CNTN3: variants seen among roughly 807,000 people sequenced by gnomAD.
CNTN3 encodes the protein contactin-3.
CNTN3 carries 60 observed loss-of-function variants against 119.1 expected under a neutral mutation model. That is an observed-to-expected ratio of 0.50 (90% CI 0.41 to 0.62). CNTN3 has a LOEUF of 0.62. Ranked by LOEUF, CNTN3 falls within the 20% of genes least tolerant of loss-of-function variation. The probability of loss-of-function intolerance (pLI) is 0.00; values close to 1 mark genes in which losing one functional copy is unlikely to be tolerated. For synonymous variants in CNTN3, 450 were observed against 438.7 expected (o/e 1.03, Z -0.32); for missense variants, 1,101 against 1,242.4 (o/e 0.89, Z 1.71).
chr3:74,279,851 T>C (rs918736079), intron 20 of CNTN3, among the ~76,000 whole-genome samples: 1 of 151,918 alleles, frequency 6.6e-6, no homozygotes, highest in African/African-American at 2.4e-5. Flanking sequence ...AGAAGGATGA[T>C]TACTAGGGGC....
intron 1 of CNTN3, among the ~76,000 whole-genome samples, chr3:74,567,180 T>C (rs1003107614): frequency 5.9e-5 from 9 of 152,128 alleles, no homozygotes; most frequent in Admixed American, 3.9e-4. Context: ...TTTTACTCTG[T>C]TGTCCAGGCT....
In CNTN3 at chr3:74,357,899, T is replaced by G. The variant is rs893583511; in HGVS notation, c.1364+3991A>C. Among the ~76,000 whole-genome samples the G allele has an allele frequency of 5.3e-5, 8 of 152,224 alleles. No individual in the cohort carries two copies. The East Asian group carries it at 1.5e-3, about 29-fold the overall frequency. On this transcript the variant is annotated intron_variant, in intron 11 of 22. Transcript: ENST00000263665. ...CTTCAAATAAGATTGAATCTGCATTTTTAAAGTTGTAACAATCCATGATCT... is the reference window on the plus strand; with the variant it reads ...CTTCAAATAAGATTGAATCTGCATTGTTAAAGTTGTAACAATCCATGATCT...
chr3:74,388,123 G>C (rs1038979883), intron 5 of CNTN3, among the ~76,000 whole-genome samples: 1 of 152,134 alleles, frequency 6.6e-6, no homozygotes, highest in Non-Finnish European at 1.5e-5. Context: ...ACACTGCCAG[G>C]AGAGTGTCTG....
intron 1 of CNTN3, among the ~76,000 whole-genome samples, chr3:74,581,140 T>A (rs1704498323): frequency 6.6e-6 from 1 of 152,082 alleles, no homozygotes; most frequent in South Asian, 2.1e-4. Context: ...CAAGGAGTAG[T>A]AAGTCAAACT....
intron 4 of CNTN3, among the ~76,000 whole-genome samples, chr3:74,470,325 T>C (rs1253665352): frequency 6.6e-6 from 1 of 151,934 alleles, no homozygotes; most frequent in African/African-American, 2.4e-5. Context: ...AACAGGGAAT[T>C]ACACGGTATG....
At chr3:74,557,171 C>G (rs1344517385) in intron 1 of CNTN3, among the ~76,000 whole-genome samples, 1 of 152,076 alleles carries the variant, frequency 6.6e-6, no homozygotes, top group South Asian at 2.1e-4. Context: ...TTTCTTTTGT[C>G]ACTTGGGGTT....
At chr3:74,416,826 A>G (rs1213704200) in intron 5 of CNTN3, among the ~76,000 whole-genome samples, 1 of 151,944 alleles carries the variant, frequency 6.6e-6, no homozygotes, top group Non-Finnish European at 1.5e-5. Flanking sequence ...CATCTCTTTT[A>G]AAAACACAAA....
chr3:74,451,358 G>A (rs1003692394), intron 4 of CNTN3, among the ~76,000 whole-genome samples: 6 of 152,094 alleles, frequency 3.9e-5, no homozygotes, highest in African/African-American at 1.4e-4. Flanking sequence ...TTTTGATGGG[G>A]TTGTTTGTTT....
At chr3:74,513,887 T>C (rs1391038190) in intron 2 of CNTN3, among the ~76,000 whole-genome samples, 1 of 151,852 alleles carries the variant, frequency 6.6e-6, no homozygotes, top group East Asian at 1.9e-4. Context: ...AAGACTTGCT[T>C]ACTTCCTTAG....
At chr3:74,338,409 T>C (rs780318660) in intron 11 of CNTN3, among the ~76,000 whole-genome samples, 2 of 152,068 alleles carry the variant, frequency 1.3e-5, no homozygotes, top group African/African-American at 2.4e-5. Context: ...TATATATACA[T>C]ATGTGTATAC....
intron 13 of CNTN3, among the ~76,000 whole-genome samples, chr3:74,317,321 C>G (rs1200297385): frequency 6.6e-6 from 1 of 151,604 alleles, no homozygotes; most frequent in East Asian, 2.0e-4. Context: ...TTAATTGGAG[C>G]ATTTAGCCCA....
At position 74,548,993 on chromosome 3, in the gene CNTN3, C is replaced by T. The variant is rs1301235614; in HGVS notation, c.-80-27801G>A. On this transcript the variant is annotated intron_variant, in intron 1 of 22. Transcript: ENST00000263665. ...CAACCTAGGTAACATGGACATTCTACAGAATATCACATTGGTCCATTATAT... is the reference window on the plus strand; with the variant it reads ...CAACCTAGGTAACATGGACATTCTATAGAATATCACATTGGTCCATTATAT... 2.0e-5 allele frequency among the ~76,000 whole-genome samples: 3 copies of T among 152,138 alleles called. No homozygotes were observed. The East Asian group carries it at 5.8e-4, about 29-fold the overall frequency.
chr3:74,515,578 A>G (rs1703436644), intron 2 of CNTN3, among the ~76,000 whole-genome samples: 1 of 152,076 alleles, frequency 6.6e-6, no homozygotes, highest in Non-Finnish European at 1.5e-5. Context: ...TTCACTATTC[A>G]TTCCGAAAGA....
chr3:74,399,760 G>C (rs1039069642), intron 5 of CNTN3, among the ~76,000 whole-genome samples: 1 of 152,088 alleles, frequency 6.6e-6, no homozygotes, highest in African/African-American at 2.4e-5. Context: ...CACTGTTGGT[G>C]GGAGTGTAAG....
intron 5 of CNTN3, among the ~76,000 whole-genome samples, chr3:74,401,951 C>A (rs576788228): frequency 6.6e-6 from 1 of 152,280 alleles, no homozygotes; most frequent in Non-Finnish European, 1.5e-5. Context: ...TAAAGCCCAT[C>A]TTTTAAGAAT....
In CNTN3 at chr3:74,370,416, A is replaced by C. The variant is rs141740824; in HGVS notation, c.659-425T>G. On this transcript the variant is annotated intron_variant, in intron 6 of 22. Coordinates refer to ENST00000263665, the MANE Select transcript of CNTN3 (RefSeq NM_020872.3). ...TATTCAATTTTGACATTGCTAGTCA[A>C]ACTGAAATATATAATATATTATTGC... 3.3e-3 allele frequency among the ~76,000 whole-genome samples: 505 copies of C among 152,216 alleles called. 3 individuals are homozygous for C. The highest frequency in any genetic ancestry group is 0.011 in the African/African-American group (476 of 41,554).
chr3:74,457,562 C>A (rs1025667150), intron 4 of CNTN3, among the ~76,000 whole-genome samples: 1 of 151,800 alleles, frequency 6.6e-6, no homozygotes, highest in African/African-American at 2.4e-5. Flanking sequence ...TGTAGTATAG[C>A]GGAGAGGAGA....
intron 4 of CNTN3, among the ~76,000 whole-genome samples, chr3:74,426,835 C>T (rs1297670022): frequency 6.6e-6 from 1 of 152,158 alleles, no homozygotes; most frequent in East Asian, 1.9e-4. Context: ...GAGGCAGTAC[C>T]TCATATCAGA....
At chr3:74,342,089 A>G (rs913505282) in intron 11 of CNTN3, among the ~76,000 whole-genome samples, 1 of 152,148 alleles carries the variant, frequency 6.6e-6, no homozygotes, top group African/African-American at 2.4e-5. Flanking sequence ...ATGTAAGACA[A>G]AAGTACTCAC....
Sources: allele counts gnomAD v4.1 joint callset (sites outside exome capture counted in the v4.1 genomes callset), GRCh38; gene constraint gnomAD v4.1.1; transcripts MANE v1.5; gene names NCBI Gene and HGNC (gene_info 2026-07-23, HGNC 2026-07-21).